Variants in SPTAN1 observed in about 807,000 individuals in gnomAD.
SPTAN1 encodes the protein spectrin alpha, non-erythrocytic 1.
SPTAN1 carries 61 observed loss-of-function variants against 331.3 expected under a neutral mutation model. The observed-to-expected ratio is 0.18, with a 90% confidence interval of 0.15 to 0.23. The LOEUF (loss-of-function observed/expected upper bound fraction) is 0.23, where lower values mean the gene tolerates loss of function less well. SPTAN1 is among the 10% of genes least tolerant of loss of function. The pLI, the probability that SPTAN1 is intolerant of heterozygous loss-of-function variation, is 1.00. For missense variants in SPTAN1, 2,043 were observed against 3,147.9 expected (o/e 0.65, Z 8.40); for synonymous variants, 1,153 against 1,173.9 (o/e 0.98, Z 0.36).
intron 45 of SPTAN1, among the ~76,000 whole-genome samples, chr9:128,623,812 A>G (rs1468885054): frequency 2.0e-5 from 3 of 151,786 alleles, no homozygotes; most frequent in Non-Finnish European, 4.4e-5. Flanking sequence ...CCGGCTGGGC[A>G]CTATGGCTCA....
chr9:128,579,849 G>A (rs1851728278), intron 10 of SPTAN1, 111 bp downstream of exon 10: 1 of 909,640 alleles, frequency 1.1e-6, no homozygotes, highest in Admixed American at 2.0e-5. Context: ...CATGATATGT[G>A]AGAAACTTTC....
chr9:128,627,313 A>C lies in SPTAN1; in HGVS notation c.6577-73A>C. The C allele has an allele frequency of 7.2e-7, 1 of 1,379,738 alleles. No homozygotes were observed. Among genetic ancestry groups the C allele is most frequent in the Non-Finnish European group, 1.0e-6 (1 of 994,380 alleles). The allele number at this position is 1,379,738 out of a possible 1,614,324, so 85.5% of individuals were successfully genotyped here. On this transcript the variant is annotated intron_variant, in intron 49 of 56. Transcript: ENST00000372739. This position sits in a 1 kb window ranked among gnomAD's most constrained non-coding sequence, Gnocchi z 4.9. ...TTGTGGGGAGGCCACCACCACCCTGAGCCCATCTGTGAAGGAGGGGCTGGT... is the reference window on the plus strand; with the variant it reads ...TTGTGGGGAGGCCACCACCACCCTGCGCCCATCTGTGAAGGAGGGGCTGGT...
In SPTAN1 at chr9:128,633,371, C is replaced by T; in HGVS notation, c.*37C>T. ...GGTCACCCACCCCTCGCTGCTTGCC[C>T]TGCGTCGCCTTGCTGCATGTCCGCT... On this transcript the variant is annotated 3_prime_UTR_variant, in exon 57 of 57. Coordinates refer to ENST00000372739, the MANE Select transcript of SPTAN1 (RefSeq NM_001130438.3). 2.5e-6 allele frequency: 4 copies of T among 1,613,100 alleles called. No individual in the cohort carries two copies. The highest frequency in any genetic ancestry group is 3.4e-6 in the Non-Finnish European group (4 of 1,180,010).
rs568476470 is a variant in SPTAN1, at chr9:128,567,125, G to C, written c.237+148G>C. 4.7e-5 allele frequency: 55 copies of C among 1,168,918 alleles called. No homozygotes were observed. In the South Asian group the frequency reaches 7.0e-4, roughly 15 times the overall value. The allele number at this position is 1,168,918 out of a possible 1,614,324, so 72.4% of individuals were successfully genotyped here. A position where few individuals can be genotyped will look rare whatever the true frequency, so the allele number is the denominator to read the frequency against. On this transcript the variant is annotated intron_variant, in intron 2 of 56. Coordinates refer to ENST00000372739, the MANE Select transcript of SPTAN1 (RefSeq NM_001130438.3). ...GGAAGGACAAACTCATTGTTTTCCT[G>C]TATTAGTGAGGGTGAATGTGGAATC...
intron 21 of SPTAN1, among the ~76,000 whole-genome samples, chr9:128,591,228 A>AT (rs1223750932): frequency 6.6e-6 from 1 of 151,300 alleles, no homozygotes; most frequent in Non-Finnish European, 1.5e-5. Context: ...TGTCCAGCTA[A>AT]TTTTTTTTGT....
intron 26 of SPTAN1, 96 bp from the exon 27 acceptor site, chr9:128,599,984 T>C: frequency 7.8e-7 from 1 of 1,290,170 alleles, no homozygotes; most frequent in Non-Finnish European, 1.1e-6. Context: ...ATCTGGGATC[T>C]CCCCTGGGGG....
At chr9:128,605,005 T>C in intron 29 of SPTAN1, 29 bp from the exon 30 acceptor site, 1 of 1,613,910 alleles carries the variant, frequency 6.2e-7, no homozygotes, top group African/African-American at 1.3e-5. Flanking sequence ...TACTTGGCAT[T>C]TCTTAACCTG....
chr9:128,602,564 T>TA (rs1455423051), intron 27 of SPTAN1, among the ~76,000 whole-genome samples: 1 of 151,688 alleles, frequency 6.6e-6, no homozygotes, highest in East Asian at 1.9e-4. Flanking sequence ...CTAGGCCAAT[T>TA]AGAGTTTCTT....
At chr9:128,570,108 G>A (rs1850478283) in intron 3 of SPTAN1, among the ~76,000 whole-genome samples, 1 of 151,808 alleles carries the variant, frequency 6.6e-6, no homozygotes, top group Non-Finnish European at 1.5e-5. Context: ...ATCAGTCTGC[G>A]TTATTATTTC....
intron 2 of SPTAN1, 68 bp downstream of exon 2, chr9:128,567,045 C>T (rs1413893842): frequency 1.1e-5 from 17 of 1,604,770 alleles, no homozygotes; most frequent in Admixed American, 5.0e-5. Flanking sequence ...AAAAATCAGA[C>T]GAGGAAAGTT....
chr9:128,604,897 G>A, intron 29 of SPTAN1, 137 bp from the exon 30 acceptor site: 1 of 932,778 alleles, frequency 1.1e-6, no homozygotes, highest in Non-Finnish European at 1.6e-6. Flanking sequence ...TGTGCATTGT[G>A]CTCCAGCCTG....
chr9:128,613,579 C>A (rs1856800465), intron 40 of SPTAN1, 94 bp downstream of exon 40: 15 of 1,016,098 alleles, frequency 1.5e-5, no homozygotes, highest in Non-Finnish European at 1.7e-5. Flanking sequence ...AAGAGAGTGA[C>A]TTCTTTCACT....
chr9:128,580,796 T>G lies in SPTAN1; in HGVS notation c.1324-126T>G, dbSNP rs566226873. 2.4e-4 allele frequency: 319 copies of G among 1,354,098 alleles called. 1 individual carries two copies. In the Middle Eastern group the frequency reaches 6.3e-3, roughly 27 times the overall value. The allele number at this position is 1,354,098 out of a possible 1,614,324, so 83.9% of individuals were successfully genotyped here. On this transcript the variant is annotated intron_variant, in intron 10 of 56. Transcript: ENST00000372739. The stretch of plus-strand genomic sequence containing the variant: ...ACAAGTGAATGTTGTTTTTCCCCTT[T>G]TGCAAATCGGAAAAAAGGCCTGAAG...
At position 128,625,738 on chromosome 9, in the gene SPTAN1, A is replaced by T; in HGVS notation, c.6070-31A>T. On this transcript the variant is annotated intron_variant, in intron 47 of 56. Coordinates refer to ENST00000372739, the MANE Select transcript of SPTAN1 (RefSeq NM_001130438.3). The surrounding 1 kb of genome is among the most constrained non-coding windows in gnomAD (Gnocchi z 4.1). ...GAGCAAGTTCCAGTCCTGTGGAGTCACCACAAATTGGCTTGTCACTCCTTG... is the reference window on the plus strand; with the variant it reads ...GAGCAAGTTCCAGTCCTGTGGAGTCTCCACAAATTGGCTTGTCACTCCTTG... 2 of 1,606,430 alleles carry T rather than the reference A, an allele frequency of 1.2e-6. No homozygotes were observed. Among genetic ancestry groups the T allele is most frequent in the Non-Finnish European group, 1.7e-6 (2 of 1,174,254 alleles).
chr9:128,602,496 C>A (rs986045508), intron 27 of SPTAN1, among the ~76,000 whole-genome samples: 2 of 152,126 alleles, frequency 1.3e-5, no homozygotes, highest in Non-Finnish European at 2.9e-5. Context: ...GGATTACAGG[C>A]GTGAGCCATC....
chr9:128,604,444 A>G, intron 29 of SPTAN1, 27 bp downstream of exon 29: 1 of 1,597,298 alleles, frequency 6.3e-7, no homozygotes, highest in Non-Finnish European at 8.5e-7. Context: ...GGGCTGGGAG[A>G]GGGAGAAACA....
chr9:128,569,527 T>C (rs1850414726), intron 3 of SPTAN1, among the ~76,000 whole-genome samples: 1 of 151,232 alleles, frequency 6.6e-6, no homozygotes, highest in Non-Finnish European at 1.5e-5. Context: ...AGTATGAAGA[T>C]ATTAAGGGAA....
intron 21 of SPTAN1, among the ~76,000 whole-genome samples, chr9:128,589,560 G>A (rs1214628193): frequency 1.4e-5 from 2 of 143,712 alleles, no homozygotes; most frequent in Non-Finnish European, 3.0e-5. Flanking sequence ...ACAGGCATGA[G>A]CCGCCGTGCC....
In SPTAN1 at chr9:128,625,855, A is replaced by T. The variant is rs1165689824; in HGVS notation, c.6156A>T (p.Lys2052Asn). 6.2e-7 allele frequency: 1 copy of T among 1,614,160 alleles called. No individual in the cohort carries two copies. Among genetic ancestry groups the T allele is most frequent in the South Asian group, 1.1e-5 (1 of 91,084 alleles). ...TCAAAGATCAGCTTCTCGCCGCCAA[A>T]CACGTTCAGTCCAAGGCCATCGAGG... ...TALKDQLLAAKHVQSKAIEAR... is the reference protein window; with the variant it reads ...TALKDQLLAANHVQSKAIEAR... Residue 2052 changes from lysine (K) to asparagine (N), a missense_variant, in exon 48 of 57, where the codon AAA (lysine) becomes AAT (asparagine). Around this residue, in one of 12 missense-constraint regions of SPTAN1, gnomAD observed 256 missense variants for 376.4 expected, o/e 0.68. Coordinates refer to ENST00000372739, the MANE Select transcript of SPTAN1 (RefSeq NM_001130438.3). The surrounding 1 kb of genome is among the most constrained non-coding windows in gnomAD (Gnocchi z 4.1).
Sources: allele counts gnomAD v4.1 joint callset (sites outside exome capture counted in the v4.1 genomes callset), GRCh38; gene constraint gnomAD v4.1.1; regional missense constraint gnomAD v4.1.1; non-coding constraint Gnocchi (gnomAD v3.1); transcripts MANE v1.5; gene names NCBI Gene and HGNC (gene_info 2026-07-23, HGNC 2026-07-21).